CFLAR: variants seen among roughly 807,000 people sequenced by gnomAD.
CFLAR encodes CASP8 and FADD-like apoptosis regulator.
In CFLAR, 14 loss-of-function variants were observed where a neutral mutation model predicts 51.1. The ratio of observed to expected loss-of-function variants is 0.27; its 90% CI spans 0.18 to 0.43. The LOEUF is 0.43. Among genes scored for constraint, CFLAR ranks in the 20% least tolerant of loss-of-function variants. The probability of loss-of-function intolerance (pLI) is 1.00; values close to 1 mark genes in which losing one functional copy is unlikely to be tolerated. For synonymous variants in CFLAR, 210 were observed against 211.6 expected, an observed-to-expected ratio of 0.99 and a Z score of 0.06; for missense variants, 390 against 566.5, an observed-to-expected ratio of 0.69 and a Z score of 3.16.
intron 8 of CFLAR, among the ~76,000 whole-genome samples, chr2:201,156,777 A>T (rs1942252305): frequency 6.9e-6 from 1 of 145,698 alleles, no homozygotes; most frequent in Non-Finnish European, 1.5e-5. Flanking sequence ...ATTTACGGAG[A>T]TCAGACTGGG....
intron 7 of CFLAR, chr2:201,149,348 C>T (rs572040916): frequency 1.0e-3 from 309 of 308,774 alleles, no homozygotes; most frequent in Non-Finnish European, 1.6e-3. Flanking sequence ...TTGGCTTGTT[C>T]TGGCTTTTTC....
intron 3 of CFLAR, among the ~76,000 whole-genome samples, chr2:201,134,976 T>G (rs1479601303): frequency 2.0e-5 from 3 of 152,158 alleles, no homozygotes; most frequent in African/African-American, 7.2e-5. Context: ...TCCCAGCCAT[T>G]TATATATATC....
chr2:201,165,864 C>T lies in CFLAR; in HGVS notation c.*1891C>T, dbSNP rs1231760243. 1.0e-5 allele frequency: 2 copies of T among 195,810 alleles called. No homozygotes were observed. Among genetic ancestry groups the T allele is most frequent in the Non-Finnish European group, 2.0e-5 (2 of 99,102 alleles). 12.1% of individuals were successfully genotyped at this position (195,810 alleles called of 1,614,324 possible). ...CTTAATCCATTTAACCCTGAGTGGA[C>T]ACAGCACATGTTTCAGAGAGCACAG... On this transcript the variant is annotated 3_prime_UTR_variant, in exon 10 of 10. Transcript: ENST00000309955.
chr2:201,136,405 C>T (rs2050127920), intron 4 of CFLAR: 1 of 1,598,308 alleles, frequency 6.3e-7, no homozygotes, highest in Admixed American at 1.7e-5. Context: ...TATGGACATT[C>T]AGGGGTTTTG....
chr2:201,119,809 C>T (rs2047992474), intron 1 of CFLAR, among the ~76,000 whole-genome samples: 2 of 149,470 alleles, frequency 1.3e-5, no homozygotes, highest in Middle Eastern at 3.5e-3. Context: ...GGGTTCATTC[C>T]GTAGAGATAA....
At chr2:201,137,489 C>T in intron 4 of CFLAR, 2 of 585,804 alleles carry the variant, frequency 3.4e-6, no homozygotes, top group Non-Finnish European at 3.2e-6. Context: ...TGCACTCCCT[C>T]CACCATCTCG....
At chr2:201,151,725 TAAAA>T (rs1031191368) in intron 8 of CFLAR, among the ~76,000 whole-genome samples, 1 of 140,180 alleles carries the variant, frequency 7.1e-6, no homozygotes, top group African/African-American at 2.6e-5. Flanking sequence ...GAGAGAATCA[TAAAA>T]AAAAAAAAGC....
rs574228347 is a variant in CFLAR, at chr2:201,134,010, A to C, written c.387+876A>C. On this transcript the variant is annotated intron_variant, in intron 3 of 9. Coordinates refer to ENST00000309955, the MANE Select transcript of CFLAR (RefSeq NM_003879.7). ...CTCGGGGATGTCATGATTGCTAGAA[A>C]AATATTTAAAATCCATGGCCAGGCA... is the stretch of plus-strand genomic sequence containing the variant. Among the ~76,000 whole-genome samples the C allele has an allele frequency of 2.2e-3, 331 of 151,688 alleles. 1 individual carries two copies. Among genetic ancestry groups the C allele is most frequent in the African/African-American group, 7.3e-3 (303 of 41,350 alleles).
chr2:201,140,398 G>A lies in CFLAR; in HGVS notation c.565G>A (p.Ala189Thr). 6.2e-7 allele frequency: 1 copy of A among 1,610,752 alleles called. No individual in the cohort carries two copies. Among genetic ancestry groups the A allele is most frequent in the Non-Finnish European group, 8.5e-7 (1 of 1,179,216 alleles). ...AAGTTACAGGAATGTTCTCCAAGCAGCAATCCAAAAGAGTCTCAAGGATCC... is the reference window on the plus strand; with the variant it reads ...AAGTTACAGGAATGTTCTCCAAGCAACAATCCAAAAGAGTCTCAAGGATCC... Reference protein sequence around the residue: ...GTSYRNVLQAAIQKSLKDPSN... With the variant: ...GTSYRNVLQATIQKSLKDPSN... Residue 189 changes from alanine (A) to threonine (T), a missense_variant, in exon 5 of 10, where the codon GCA (alanine) becomes ACA (threonine). Around this residue, in one of 2 missense-constraint regions of CFLAR, gnomAD observed 287 missense variants for 363.6 expected, o/e 0.79. Transcript: ENST00000309955.
intron 6 of CFLAR, chr2:201,148,412 G>A (rs76310600): frequency 0.012 from 1,833 of 151,926 alleles, 22 homozygotes; most frequent in Middle Eastern, 0.024. Context: ...CCACCTCCCT[G>A]ACCTAATCAA....
intron 4 of CFLAR, chr2:201,137,419 T>G (rs2050286067): frequency 4.5e-6 from 2 of 441,832 alleles, no homozygotes; most frequent in South Asian, 2.0e-5. Flanking sequence ...GAACCCATAG[T>G]GCAAATCTGT....
At position 201,167,743 on chromosome 2, in the gene CFLAR, C is replaced by T. The variant is rs1000830424; in HGVS notation, c.*3770C>T. 2 of 152,124 alleles carry T rather than the reference C, an allele frequency of 1.3e-5. No individual in the cohort carries two copies. Among genetic ancestry groups the T allele is most frequent in the Non-Finnish European group, 2.9e-5 (2 of 68,060 alleles). 9.4% of individuals were successfully genotyped at this position (152,124 alleles called of 1,614,324 possible). A position where few individuals can be genotyped will look rare whatever the true frequency, so the allele number is the denominator to read the frequency against. ...TAGCAGCTCTAGCTGCCATCTTGAA[C>T]CATGAAGATACGGGCCACACGTAGG... On this transcript the variant is annotated 3_prime_UTR_variant, in exon 10 of 10. Transcript: ENST00000309955.
At chr2:201,140,488 G>T in intron 5 of CFLAR, 49 bp downstream of exon 5, 1 of 1,412,500 alleles carries the variant, frequency 7.1e-7, no homozygotes, top group Non-Finnish European at 9.7e-7. Flanking sequence ...CCGTTTCAGA[G>T]TTCTAATAAA....
At chr2:201,139,190 AG>A in intron 4 of CFLAR, 1 of 373,258 alleles carries the variant, frequency 2.7e-6, no homozygotes, top group Non-Finnish European at 5.1e-6. Context: ...AAGTGGATTA[AG>A]GGCTGTGCAA....
intron 6 of CFLAR, chr2:201,148,775 A>G: frequency 2.2e-6 from 1 of 452,508 alleles, no homozygotes; most frequent in South Asian, 2.7e-5. Context: ...CTTGCTGTTT[A>G]AGCAGCTTTT....
intron 4 of CFLAR, chr2:201,137,463 A>G: frequency 1.9e-6 from 1 of 536,250 alleles, no homozygotes. Flanking sequence ...GCTGTGCCTG[A>G]AGGTGGACAC....
chr2:201,138,591 C>CCCA lies in CFLAR; in HGVS notation c.524-1762_524-1760dup, dbSNP rs1016336425. 6.3e-7 allele frequency: 1 copy of CCCA among 1,592,360 alleles called. No homozygotes were observed. The highest frequency in any genetic ancestry group is 1.3e-5 in the African/African-American group (1 of 74,786). On this transcript the variant is annotated intron_variant, in intron 4 of 9. Transcript: ENST00000309955. The surrounding 1 kb of genome is among the most constrained non-coding windows in gnomAD (Gnocchi z 4.0). Reference sequence around the variant, plus strand: ...GTCGATGTCTCGGGAGGTGACGATGCCCACCAGCTTGCTGCCCATGGTACC... The same window carrying CCCA: ...GTCGATGTCTCGGGAGGTGACGATGCCCACCACCAGCTTGCTGCCCATGGTACC...
At chr2:201,153,692 A>C (rs1941659683) in intron 8 of CFLAR, 1 of 152,186 alleles carries the variant, frequency 6.6e-6, no homozygotes, top group African/African-American at 2.4e-5. Context: ...AAGAAACAAG[A>C]ACATGATAGG....
At chr2:201,139,705 T>C (rs574450072) in intron 4 of CFLAR, 1 of 153,000 alleles carries the variant, frequency 6.5e-6, no homozygotes, top group East Asian at 1.9e-4. Context: ...CAGAGACCTT[T>C]GTTCACGTGT....
Sources: allele counts gnomAD v4.1 joint callset (sites outside exome capture counted in the v4.1 genomes callset), GRCh38; gene constraint gnomAD v4.1.1; regional missense constraint gnomAD v4.1.1; non-coding constraint Gnocchi (gnomAD v3.1); transcripts MANE v1.5; gene names NCBI Gene and HGNC (gene_info 2026-07-23, HGNC 2026-07-21).